The following BTBD10 variants were observed in gnomAD, a reference collection of about 807,000 sequenced individuals.
The protein encoded by BTBD10 is BTB domain containing 10.
A neutral mutation model predicts 53.2 loss-of-function variants in BTBD10; 21 were observed. The observed-to-expected ratio is 0.39, with a 90% confidence interval of 0.28 to 0.57. The LOEUF is 0.57. Among genes scored for constraint, BTBD10 ranks in the 20% least tolerant of loss-of-function variants. BTBD10 has a pLI of 0.53. For synonymous variants in BTBD10, 149 were observed against 192.7 expected, an observed-to-expected ratio of 0.77 and a Z score of 1.88; for missense variants, 360 against 594.7, an observed-to-expected ratio of 0.61 and a Z score of 4.10.
intron 2 of BTBD10, among the ~76,000 whole-genome samples, chr11:13,430,368 T>C (rs1261404549): frequency 6.6e-6 from 1 of 152,174 alleles, no homozygotes; most frequent in Non-Finnish European, 1.5e-5. Context: ...ACTGACTATA[T>C]CAAGCATTGA....
At chr11:13,461,482 G>A (rs1054758145) in intron 1 of BTBD10, among the ~76,000 whole-genome samples, 1 of 152,172 alleles carries the variant, frequency 6.6e-6, no homozygotes, top group Non-Finnish European at 1.5e-5. Context: ...TGTTGCTCAT[G>A]CTATGGCTTT....
intron 6 of BTBD10, among the ~76,000 whole-genome samples, chr11:13,410,511 T>C (rs1434601699): frequency 6.6e-6 from 1 of 152,070 alleles, no homozygotes; most frequent in East Asian, 1.9e-4. Flanking sequence ...GCTGGGAATA[T>C]AGACATGAGC....
chr11:13,422,340 T>A lies in BTBD10; in HGVS notation c.102-502A>T, dbSNP rs55765309. On this transcript the variant is annotated intron_variant, in intron 2 of 8. Transcript: ENST00000278174. ...TTTCAAAACACTATGATTTTTTTTT[T>A]AAAGTTTTTCTGAAAAGCATTTCTT... Among the ~76,000 whole-genome samples, 201 of 150,174 alleles carry A rather than the reference T, an allele frequency of 1.3e-3. 1 individual carries two copies. Among genetic ancestry groups the A allele is most frequent in the Non-Finnish European group, 1.9e-3 (127 of 68,002 alleles).
chr11:13,457,356 A>AAATATGGTAAATAATGT (rs1445142503), intron 1 of BTBD10, among the ~76,000 whole-genome samples: 1 of 152,132 alleles, frequency 6.6e-6, no homozygotes, highest in Non-Finnish European at 1.5e-5. Context: ...TTGTAATGGT[A>AAATATGGTAAATAATGT]AAAGACTAAA....
chr11:13,457,902 T>TG (rs1951005079), intron 1 of BTBD10, among the ~76,000 whole-genome samples: 1 of 152,186 alleles, frequency 6.6e-6, no homozygotes, highest in African/African-American at 2.4e-5. Flanking sequence ...TGTTCCCAGT[T>TG]GCATGTAATA....
At chr11:13,400,904 T>G (rs957672537) in intron 8 of BTBD10, among the ~76,000 whole-genome samples, 3 of 152,108 alleles carry the variant, frequency 2.0e-5, no homozygotes, top group African/African-American at 7.2e-5. Flanking sequence ...AAGGAACTAT[T>G]CTAGATTGAG....
intron 1 of BTBD10, among the ~76,000 whole-genome samples, chr11:13,451,096 A>G (rs1950848890): frequency 6.6e-6 from 1 of 152,162 alleles, no homozygotes; most frequent in Non-Finnish European, 1.5e-5. Flanking sequence ...GAAACAAAGA[A>G]AAGTGCAGGC....
chr11:13,443,125 A>C (rs1950690234), intron 2 of BTBD10, among the ~76,000 whole-genome samples: 1 of 152,122 alleles, frequency 6.6e-6, no homozygotes, highest in Non-Finnish European at 1.5e-5. Flanking sequence ...GTAGCGGTGC[A>C]TGCCTGTAGT....
chr11:13,400,820 A>G (rs1949699675), intron 8 of BTBD10, among the ~76,000 whole-genome samples: 1 of 152,246 alleles, frequency 6.6e-6, no homozygotes, highest in Non-Finnish European at 1.5e-5. Flanking sequence ...CAAGGAAATA[A>G]TAGGGCAAAT....
At position 13,399,446 on chromosome 11, in the gene BTBD10, G is replaced by A. The variant is rs544430164; in HGVS notation, c.1117+3722C>T. Among the ~76,000 whole-genome samples the A allele has an allele frequency of 1.2e-4, 19 of 152,178 alleles. No individual in the cohort carries two copies. In the South Asian group the frequency reaches 2.1e-3, roughly 17 times the overall value. ...CATTGGTTATTCTAGTTAGCCATTC[G>A]TCTAATTTTTTTTCAAAGTTTTTAA... On this transcript the variant is annotated intron_variant, in intron 8 of 8. Coordinates refer to ENST00000278174, the MANE Select transcript of BTBD10 (RefSeq NM_032320.7).
At chr11:13,412,270 A>G (rs1437570302) in intron 6 of BTBD10, among the ~76,000 whole-genome samples, 1 of 152,136 alleles carries the variant, frequency 6.6e-6, no homozygotes, top group African/African-American at 2.4e-5. Flanking sequence ...CCTGGCCAAC[A>G]TAGTGAAACC....
chr11:13,390,505 G>A (rs1949379604), intron 8 of BTBD10, among the ~76,000 whole-genome samples: 1 of 151,886 alleles, frequency 6.6e-6, no homozygotes. Context: ...CACCACACCT[G>A]GCTAATTTTT....
chr11:13,397,979 G>C (rs958046878), intron 8 of BTBD10, among the ~76,000 whole-genome samples: 1 of 152,162 alleles, frequency 6.6e-6, no homozygotes, highest in Admixed American at 6.5e-5. Flanking sequence ...GTCAATTTTG[G>C]AATAGGTGTG....
intron 2 of BTBD10, among the ~76,000 whole-genome samples, chr11:13,423,700 C>G (rs1950285200): frequency 6.6e-6 from 1 of 152,124 alleles, no homozygotes; most frequent in African/African-American, 2.4e-5. Flanking sequence ...CGGGTCATCT[C>G]TTTGGTTGAT....
rs563763653 is a variant in BTBD10 at position 13,388,068 on chromosome 11, C to T, written c.*763G>A. ...TTGATGAAAAACTCAAGTTTACAAT[C>T]ATTTAGTAAATGAAGAGCAAACACT... On this transcript the variant is annotated 3_prime_UTR_variant, in exon 9 of 9. Coordinates refer to ENST00000278174, the MANE Select transcript of BTBD10 (RefSeq NM_032320.7). The T allele has an allele frequency of 1.7e-3, 264 of 152,388 alleles. No individual in the cohort carries two copies. Among genetic ancestry groups the T allele is most frequent in the African/African-American group, 6.1e-3 (254 of 41,436 alleles). 9.4% of individuals were successfully genotyped at this position (152,388 alleles called of 1,614,324 possible).
At chr11:13,431,197 T>C (rs1317733604) in intron 2 of BTBD10, among the ~76,000 whole-genome samples, 1 of 152,102 alleles carries the variant, frequency 6.6e-6, no homozygotes, top group Non-Finnish European at 1.5e-5. Context: ...TTCCTTCTCT[T>C]ACCAATCTAC....
intron 6 of BTBD10, among the ~76,000 whole-genome samples, chr11:13,406,569 G>C (rs965093345): frequency 6.7e-6 from 1 of 149,598 alleles, no homozygotes; most frequent in Non-Finnish European, 1.5e-5. Flanking sequence ...GTGAGAGAGA[G>C]AGAGAGAGAG....
chr11:13,450,961 T>A (rs1037264712), intron 1 of BTBD10, among the ~76,000 whole-genome samples: 3 of 152,144 alleles, frequency 2.0e-5, no homozygotes. Context: ...CAGTTTGAAG[T>A]TTTTTTGCTG....
intron 2 of BTBD10, chr11:13,440,012 TA>T: frequency 6.5e-7 from 1 of 1,534,162 alleles, no homozygotes; most frequent in Non-Finnish European, 8.7e-7. Flanking sequence ...TGGGCATTAC[TA>T]GGAAACTTTA....
Sources: gnomAD v4.1 joint callset for allele counts (sites outside exome capture counted in the v4.1 genomes callset) on GRCh38, gnomAD v4.1.1 for gene constraint, MANE v1.5 for transcripts, NCBI Gene and HGNC (gene_info 2026-07-23, HGNC 2026-07-21) for gene names.